Variants in RHOT1 observed in about 807,000 individuals in gnomAD.
RHOT1 encodes ras homolog family member T1, also known as mitochondrial Rho GTPase 1.
Under a neutral mutation model 95.3 loss-of-function variants are expected in RHOT1, and 27 were observed. The observed-to-expected ratio is 0.28, with a 90% confidence interval of 0.21 to 0.39. The LOEUF is 0.39. Among genes scored for constraint, RHOT1 ranks in the 10% least tolerant of loss-of-function variants. The pLI is 1.00. For missense variants in RHOT1, 578 were observed against 786.7 expected (o/e 0.73, Z 3.17); for synonymous variants, 227 against 263.5 (o/e 0.86, Z 1.34).
intron 19 of RHOT1, among the ~76,000 whole-genome samples, chr17:32,220,230 C>G (rs2038742971): frequency 6.6e-6 from 1 of 152,070 alleles, no homozygotes; most frequent in East Asian, 1.9e-4. Flanking sequence ...GGCATGATGG[C>G]ACACACCTGT....
intron 19 of RHOT1, among the ~76,000 whole-genome samples, chr17:32,215,504 C>T (rs2038413128): frequency 6.6e-6 from 1 of 152,074 alleles, no homozygotes; most frequent in South Asian, 2.1e-4. Flanking sequence ...TGCCTTTAAG[C>T]ATCTTTCTAA....
At chr17:32,172,925 G>GT (rs1002453698) in intron 2 of RHOT1, 2 of 152,172 alleles carry the variant, frequency 1.3e-5, no homozygotes, top group Non-Finnish European at 2.9e-5. Context: ...TAACCTGTTG[G>GT]TTTATTTGCA....
intron 1 of RHOT1, among the ~76,000 whole-genome samples, chr17:32,166,307 G>A (rs1434763549): frequency 6.6e-6 from 1 of 151,958 alleles, no homozygotes. Flanking sequence ...AAATGCTAAT[G>A]ATCATCTGAG....
intron 4 of RHOT1, 134 bp from the exon 5 acceptor site, chr17:32,175,828 C>CT (rs2034959370): frequency 5.4e-6 from 3 of 559,548 alleles, no homozygotes; most frequent in Middle Eastern, 4.9e-4. Context: ...CAAGCTAATT[C>CT]TTTTTTTGTT....
In RHOT1 at chr17:32,151,550, C is replaced by T. The variant is rs2032292344; in HGVS notation, c.37+8821C>T. 4 of 457,798 alleles carry T rather than the reference C, an allele frequency of 8.7e-6. No homozygotes were observed. In the South Asian group the frequency reaches 9.5e-5, roughly 11 times the overall value. 28.4% of individuals were successfully genotyped at this position (457,798 alleles called of 1,614,324 possible). A position where few individuals can be genotyped will look rare whatever the true frequency, so the allele number is the denominator to read the frequency against. Reference sequence around the variant, plus strand: ...TGAATCCCCTTAGACCATTTTCAGTCCTGCGCGGTGTGTCTCTCTCTCAAT... The same window carrying T: ...TGAATCCCCTTAGACCATTTTCAGTTCTGCGCGGTGTGTCTCTCTCTCAAT... On this transcript the variant is annotated intron_variant, in intron 1 of 19. Transcript: ENST00000545287.
chr17:32,157,868 T>C (rs1446753812), intron 1 of RHOT1, among the ~76,000 whole-genome samples: 1 of 152,138 alleles, frequency 6.6e-6, no homozygotes, highest in Non-Finnish European at 1.5e-5. Context: ...GGATCACTGA[T>C]TATTTTTTCT....
At chr17:32,150,239 T>G (rs184220073) in intron 1 of RHOT1, among the ~76,000 whole-genome samples, 2 of 152,338 alleles carry the variant, frequency 1.3e-5, no homozygotes, top group East Asian at 3.9e-4. Context: ...TAGCTGTTAT[T>G]TCACTGCTCT....
intron 6 of RHOT1, chr17:32,178,916 CA>C (rs1239324771): frequency 1.1e-4 from 16 of 149,112 alleles, no homozygotes; most frequent in South Asian, 2.2e-4. Flanking sequence ...GCCCGGCCGC[CA>C]CCCTGTCTGG....
At chr17:32,204,078 CTG>C in intron 16 of RHOT1, 105 bp downstream of exon 16, 1 of 743,644 alleles carries the variant, frequency 1.3e-6, no homozygotes, top group Non-Finnish European at 2.2e-6. Context: ...TGTAGAACTT[CTG>C]TGTGATTTTT....
intron 19 of RHOT1, among the ~76,000 whole-genome samples, chr17:32,215,808 C>T (rs1001440903): frequency 6.6e-6 from 1 of 152,180 alleles, no homozygotes; most frequent in African/African-American, 2.4e-5. Flanking sequence ...AAACATACAT[C>T]TATCTCACAT....
chr17:32,217,270 A>G (rs7218088), intron 19 of RHOT1, among the ~76,000 whole-genome samples: 28,031 of 152,118 alleles, frequency 0.18, 2,682 homozygotes, highest in South Asian at 0.27. Flanking sequence ...CAGCTTGCTT[A>G]TGGTTTGTGT....
intron 8 of RHOT1, among the ~76,000 whole-genome samples, chr17:32,187,146 G>A (rs1466109204): frequency 6.6e-6 from 1 of 151,968 alleles, no homozygotes; most frequent in Non-Finnish European, 1.5e-5. Context: ...AGTTAGCTGG[G>A]CATATTGGCG....
At chr17:32,175,083 A>G (rs1172904097) in intron 3 of RHOT1, among the ~76,000 whole-genome samples, 3 of 152,170 alleles carry the variant, frequency 2.0e-5, no homozygotes, top group African/African-American at 4.8e-5. Context: ...GCTGGCCTAG[A>G]TTTATTACAC....
chr17:32,211,421 T>C (rs937899170), intron 19 of RHOT1, 183 bp downstream of exon 19: 1 of 451,456 alleles, frequency 2.2e-6, no homozygotes, highest in Admixed American at 3.8e-5. Context: ...ATAATGTTTT[T>C]AAATTAATAG....
At chr17:32,144,186 A>G (rs145618617) in intron 1 of RHOT1, among the ~76,000 whole-genome samples, 1 of 152,328 alleles carries the variant, frequency 6.6e-6, no homozygotes, top group East Asian at 1.9e-4. Flanking sequence ...CCTTAAATAT[A>G]TGATGAAATA....
intron 1 of RHOT1, among the ~76,000 whole-genome samples, chr17:32,167,267 G>T (rs1013799799): frequency 6.6e-6 from 1 of 151,752 alleles, no homozygotes; most frequent in Non-Finnish European, 1.5e-5. Flanking sequence ...GTAAACAAAT[G>T]TGCTGTCATC....
chr17:32,180,006 C>T (rs1326442172), intron 6 of RHOT1: 22 of 146,712 alleles, frequency 1.5e-4, no homozygotes, highest in East Asian at 5.9e-4. Flanking sequence ...CGCCTCTGCC[C>T]GGCCGCCCCG....
intron 1 of RHOT1, among the ~76,000 whole-genome samples, chr17:32,167,111 C>A (rs186570488): frequency 6.6e-6 from 1 of 152,004 alleles, no homozygotes; most frequent in African/African-American, 2.4e-5. Flanking sequence ...TTAGCAGGCA[C>A]GAAAATAATC....
intron 6 of RHOT1, among the ~76,000 whole-genome samples, chr17:32,178,583 T>C (rs2035233695): frequency 6.6e-6 from 1 of 152,204 alleles, no homozygotes; most frequent in African/African-American, 2.4e-5. Flanking sequence ...CCCAAAGTGC[T>C]AAGATTACAG....
Sources: gnomAD v4.1 joint callset for allele counts (sites outside exome capture counted in the v4.1 genomes callset) on GRCh38, gnomAD v4.1.1 for gene constraint, MANE v1.5 for transcripts, NCBI Gene and HGNC (gene_info 2026-07-23, HGNC 2026-07-21) for gene names.